The following KCNK13 variants were observed in gnomAD, a reference collection of about 807,000 sequenced individuals.
KCNK13 encodes potassium channel subfamily K member 13.
A neutral mutation model predicts 23.4 loss-of-function variants in KCNK13; 12 were observed. That is an observed-to-expected ratio of 0.51 (90% CI 0.33 to 0.83). KCNK13 has a LOEUF of 0.83. Among genes scored for constraint, KCNK13 ranks in the 40% least tolerant of loss-of-function variants. The pLI is 0.02. For missense variants in KCNK13, 463 were observed against 556.3 expected, an observed-to-expected ratio of 0.83 and a Z score of 1.69; for synonymous variants, 231 against 229.5, an observed-to-expected ratio of 1.01 and a Z score of -0.06.
At chr14:90,166,535 A>G (rs552638891) in intron 1 of KCNK13, among the ~76,000 whole-genome samples, 91 of 152,082 alleles carry the variant, frequency 6.0e-4, no homozygotes, top group African/African-American at 2.1e-3. Context: ...GAGAAACCCC[A>G]TCTCTACTAA....
intron 1 of KCNK13, among the ~76,000 whole-genome samples, chr14:90,183,290 G>T (rs1018633293): frequency 1.2e-4 from 18 of 152,234 alleles, no homozygotes; most frequent in South Asian, 4.2e-4. Flanking sequence ...GAAGAATTTT[G>T]TTTAAAAGAT....
intron 1 of KCNK13, among the ~76,000 whole-genome samples, chr14:90,092,543 A>G (rs1311353630): frequency 1.3e-5 from 2 of 152,198 alleles, no homozygotes; most frequent in Non-Finnish European, 2.9e-5. Context: ...GAGGAGCAGG[A>G]AAGCCCTCTA....
At chr14:90,134,585 C>T (rs751470082) in intron 1 of KCNK13, among the ~76,000 whole-genome samples, 1 of 152,170 alleles carries the variant, frequency 6.6e-6, no homozygotes, top group Admixed American at 6.5e-5. Flanking sequence ...AAGGTGTTCA[C>T]AATAATAGCA....
chr14:90,067,205 G>A (rs776773897), intron 1 of KCNK13, among the ~76,000 whole-genome samples: 12 of 152,192 alleles, frequency 7.9e-5, no homozygotes, highest in South Asian at 6.2e-4. Flanking sequence ...GGAGGCAGAG[G>A]TTGCAGTGAG....
intron 1 of KCNK13, among the ~76,000 whole-genome samples, chr14:90,170,068 A>T (rs1255758668): frequency 5.3e-5 from 8 of 152,192 alleles, no homozygotes; most frequent in Admixed American, 5.2e-4. Context: ...CAAGCATGGA[A>T]ATAAAAGAAA....
At position 90,136,328 on chromosome 14, in the gene KCNK13, T is replaced by G. The variant is rs553120668; in HGVS notation, c.335-47783T>G. On this transcript the variant is annotated intron_variant, in intron 1 of 1. Transcript: ENST00000282146. ...TCCCTTCTAAGTGGGGACAGGTAGA[T>G]GGAAGCAGGTGGCTGCTGACTGAGG... Among the ~76,000 whole-genome samples the G allele has an allele frequency of 2.6e-5, 4 of 152,212 alleles. No individual in the cohort carries two copies. In the South Asian group the frequency reaches 8.3e-4, roughly 32 times the overall value.
intron 1 of KCNK13, among the ~76,000 whole-genome samples, chr14:90,149,904 G>T (rs963103817): frequency 2.0e-5 from 3 of 152,112 alleles, no homozygotes; most frequent in African/African-American, 7.2e-5. Flanking sequence ...CTATGTCCAG[G>T]CATTGTGCTA....
chr14:90,132,181 C>T (rs185487196), intron 1 of KCNK13, among the ~76,000 whole-genome samples: 179 of 152,298 alleles, frequency 1.2e-3, no homozygotes, highest in African/African-American at 4.1e-3. Flanking sequence ...AAGCCAGTCA[C>T]GAAAGGACAA....
At chr14:90,117,449 G>T (rs1360804557) in intron 1 of KCNK13, among the ~76,000 whole-genome samples, 5 of 152,056 alleles carry the variant, frequency 3.3e-5, no homozygotes, top group Non-Finnish European at 5.9e-5. Flanking sequence ...AATTAGCCAG[G>T]CGTGGTGGCG....
At chr14:90,120,215 C>T (rs895503340) in intron 1 of KCNK13, among the ~76,000 whole-genome samples, 6 of 152,186 alleles carry the variant, frequency 3.9e-5, no homozygotes, top group South Asian at 4.1e-4. Context: ...TGGCCTCCAG[C>T]TCCATCTATG....
At chr14:90,121,636 G>A (rs1335848581) in intron 1 of KCNK13, among the ~76,000 whole-genome samples, 1 of 152,142 alleles carries the variant, frequency 6.6e-6, no homozygotes, top group Non-Finnish European at 1.5e-5. Context: ...AGGTCAGGAG[G>A]GAAATCACTC....
At chr14:90,158,821 T>C (rs900830526) in intron 1 of KCNK13, among the ~76,000 whole-genome samples, 1 of 152,166 alleles carries the variant, frequency 6.6e-6, no homozygotes, top group African/African-American at 2.4e-5. Context: ...ACAAGCAACG[T>C]AACCACAGCC....
chr14:90,071,246 G>A (rs1341481175), intron 1 of KCNK13, among the ~76,000 whole-genome samples: 5 of 152,162 alleles, frequency 3.3e-5, no homozygotes, highest in Non-Finnish European at 5.9e-5. Flanking sequence ...TCCTGTCCAA[G>A]AAGCTGTCTT....
At chr14:90,078,737 T>C (rs550789977) in intron 1 of KCNK13, among the ~76,000 whole-genome samples, 2 of 152,264 alleles carry the variant, frequency 1.3e-5, no homozygotes, top group South Asian at 2.1e-4. Flanking sequence ...CCGGAGCTGA[T>C]AAAATAGCAA....
At position 90,184,972 on chromosome 14, in the gene KCNK13, A is replaced by G. The variant is rs1269084936; in HGVS notation, c.1196A>G (p.Asn399Ser). ...GTGGGAGCCTTTGCAATCATGAACA[A>G]CAGGTTGGCAGAGACCAGTGGGGAC... The part of the protein sequence containing the change: ...GGVGAFAIMN[N>S]RLAETSGDR The change falls in exon 2 of 2, where the codon AAC (asparagine) becomes AGC (serine). Residue 399 changes from asparagine to serine, a missense_variant. Around this residue, in one of 3 missense-constraint regions of KCNK13, gnomAD observed 166 missense variants for 178.8 expected, o/e 0.93. Coordinates refer to ENST00000282146, the MANE Select transcript of KCNK13 (RefSeq NM_022054.4). This position sits in a 1 kb window ranked among gnomAD's most constrained non-coding sequence, Gnocchi z 5.6. The G allele has an allele frequency of 4.4e-6, 7 of 1,605,126 alleles. No homozygotes were observed. The East Asian group carries it at 1.1e-4, about 26-fold the overall frequency.
chr14:90,110,461 C>T (rs915229685), intron 1 of KCNK13, among the ~76,000 whole-genome samples: 4 of 148,406 alleles, frequency 2.7e-5, no homozygotes, highest in East Asian at 4.0e-4. Context: ...GCCTGGGCGA[C>T]GGAGTGAGTC....
intron 1 of KCNK13, among the ~76,000 whole-genome samples, chr14:90,157,384 G>A (rs941154997): frequency 6.6e-6 from 1 of 152,114 alleles, no homozygotes; most frequent in Non-Finnish European, 1.5e-5. Flanking sequence ...AAAAAAAAGT[G>A]TCGGCATTTA....
intron 1 of KCNK13, among the ~76,000 whole-genome samples, chr14:90,178,324 T>A (rs1890447167): frequency 6.6e-6 from 1 of 151,320 alleles, no homozygotes; most frequent in Admixed American, 6.6e-5. Flanking sequence ...GGAGTCTCGC[T>A]CTTGTTGCCC....
chr14:90,128,319 A>G (rs1889827128), intron 1 of KCNK13, among the ~76,000 whole-genome samples: 2 of 152,190 alleles, frequency 1.3e-5, no homozygotes. Flanking sequence ...TTTAAAACAA[A>G]CAAACAAACA....
Sources: allele counts gnomAD v4.1 joint callset (sites outside exome capture counted in the v4.1 genomes callset), GRCh38; gene constraint gnomAD v4.1.1; regional missense constraint gnomAD v4.1.1; non-coding constraint Gnocchi (gnomAD v3.1); transcripts MANE v1.5; gene names NCBI Gene and HGNC (gene_info 2026-07-23, HGNC 2026-07-21).